SYT7: variants seen among roughly 807,000 people sequenced by gnomAD.
SYT7 encodes the protein synaptotagmin-7.
A neutral mutation model predicts 75.1 loss-of-function variants in SYT7; 29 were observed. The ratio of observed to expected loss-of-function variants is 0.39; its 90% CI spans 0.29 to 0.53. SYT7 has a LOEUF of 0.53. Among genes scored for constraint, SYT7 ranks in the 20% least tolerant of loss-of-function variants. The pLI is 0.77. For synonymous variants in SYT7, 376 were observed against 401.7 expected (o/e 0.94, Z 0.76); for missense variants, 693 against 953.2 (o/e 0.73, Z 3.59).
At chr11:61,530,720 C>T in intron 8 of SYT7, 1 of 887,778 alleles carries the variant, frequency 1.1e-6, no homozygotes, top group Non-Finnish European at 1.4e-6. Flanking sequence ...CTCCTGGCTG[C>T]CAAACAGTGT....
chr11:61,553,553 TC>T lies in SYT7; in HGVS notation c.136-2091del, dbSNP rs1183860606. On this transcript the variant is annotated intron_variant, in intron 2 of 12. Transcript: ENST00000539008. The surrounding 1 kb of genome is among the most constrained non-coding windows in gnomAD (Gnocchi z 5.2). ...TCTCCTTCCCCAACTCCGAGAACCT[TC>T]CCCTCTGGCTTCGACTATTGCTCTG... Among the ~76,000 whole-genome samples, 4 of 152,198 alleles carry T rather than the reference TC, an allele frequency of 2.6e-5. No individual in the cohort carries two copies. The highest frequency in any genetic ancestry group is 9.6e-5 in the African/African-American group (4 of 41,542).
chr11:61,533,279 G>A, intron 7 of SYT7, 155 bp from the exon 8 acceptor site: 2 of 985,446 alleles, frequency 2.0e-6, no homozygotes, highest in Non-Finnish European at 2.4e-6. Flanking sequence ...TGGACACCTG[G>A]TTTTCCCTGG....
At chr11:61,528,622 T>C (rs1322197955) in intron 8 of SYT7, among the ~76,000 whole-genome samples, 1 of 152,102 alleles carries the variant, frequency 6.6e-6, no homozygotes, top group Admixed American at 6.5e-5. Flanking sequence ...ACACAGCAGA[T>C]GAGGGAGGCT....
At position 61,538,353 on chromosome 11, in the gene SYT7, GAGAGAGA is replaced by G. The variant is rs1355461505; in HGVS notation, c.942-94_942-88del. ...GGGGGGAAGGAGAGAGAGGGAGAGA[GAGAGAGA>G]GAGAGAGAGAGAGAGAGAGAGAGAG... On this transcript the variant is annotated intron_variant, in intron 6 of 12. Coordinates refer to ENST00000539008, the MANE Select transcript of SYT7 (RefSeq NM_001365809.2). The G allele has an allele frequency of 1.1e-3, 724 of 665,940 alleles. 5 individuals carry two copies. The highest frequency in any genetic ancestry group is 8.5e-3 in the African/African-American group (436 of 51,460). The allele number at this position is 665,940 out of a possible 1,614,324, so 41.3% of individuals were successfully genotyped here.
chr11:61,546,656 C>A lies in SYT7; in HGVS notation c.348-401G>T. On this transcript the variant is annotated intron_variant, in intron 4 of 12. Transcript: ENST00000539008. The surrounding 1 kb of genome is among the most constrained non-coding windows in gnomAD (Gnocchi z 7.6). ...CGAAGGGTTAACGACGGAGGAAGAG[C>A]GGGCTGTCCAGGCCAGGAGGCCCCA... 1 of 464,504 alleles carries A rather than the reference C, an allele frequency of 2.2e-6. No homozygotes were observed. Among genetic ancestry groups the A allele is most frequent in the Non-Finnish European group, 4.3e-6 (1 of 232,906 alleles). The allele number at this position is 464,504 out of a possible 1,614,324, so 28.8% of individuals were successfully genotyped here. A position where few individuals can be genotyped will look rare whatever the true frequency, so the allele number is the denominator to read the frequency against.
intron 5 of SYT7, among the ~76,000 whole-genome samples, chr11:61,544,514 C>T (rs2063131133): frequency 6.6e-6 from 1 of 152,174 alleles, no homozygotes; most frequent in East Asian, 1.9e-4. Flanking sequence ...GGGGCCGGCC[C>T]AGGCCTGGCC....
intron 8 of SYT7, among the ~76,000 whole-genome samples, chr11:61,532,373 T>A (rs1020269937): frequency 6.6e-6 from 1 of 152,174 alleles, no homozygotes; most frequent in Non-Finnish European, 1.5e-5. Context: ...AACCTCTGTC[T>A]GGGCCAAACA....
chr11:61,515,972 T>G lies in SYT7; in HGVS notation c.*2655A>C, dbSNP rs2062138985. The G allele has an allele frequency of 6.6e-6, 1 of 152,522 alleles. No individual in the cohort carries two copies. The highest frequency in any genetic ancestry group is 2.4e-5 in the African/African-American group (1 of 41,374). The allele number at this position is 152,522 out of a possible 1,614,324, so 9.4% of individuals were successfully genotyped here. On this transcript the variant is annotated 3_prime_UTR_variant, in exon 13 of 13. Transcript: ENST00000539008. ...GAGTCCTCCTGCCTTGACCCCCAGG[T>G]CAGGTGATGGTGGCCTCACAACCTC...
At position 61,533,336 on chromosome 11, in the gene SYT7, G is replaced by A. The variant is rs564539349; in HGVS notation, c.1065-212C>T. On this transcript the variant is annotated intron_variant, in intron 7 of 12. Transcript: ENST00000539008. The stretch of plus-strand genomic sequence containing the variant: ...TCTCCTTGCAGCCTCTACCCCAGGC[G>A]ACTGTGGCTTAACTACTCCTATAGG... 44 of 985,394 alleles carry A rather than the reference G, an allele frequency of 4.5e-5. No individual in the cohort carries two copies. The African/African-American group carries it at 7.1e-4, about 16-fold the overall frequency. 61.0% of individuals were successfully genotyped at this position (985,394 alleles called of 1,614,324 possible). A position where few individuals can be genotyped will look rare whatever the true frequency, so the allele number is the denominator to read the frequency against.
rs186385942 is a variant in SYT7 at position 61,547,513 on chromosome 11, C to T, written c.216-205G>A. Among the ~76,000 whole-genome samples the T allele has an allele frequency of 3.0e-3, 459 of 152,230 alleles. 8 individuals carry two copies. The South Asian group carries it at 0.037, about 12-fold the overall frequency. ...ACACGCACGCATACACGCACACGCACACATGTGCAAACATACCAATGCACA... is the reference window on the plus strand; with the variant it reads ...ACACGCACGCATACACGCACACGCATACATGTGCAAACATACCAATGCACA... On this transcript the variant is annotated intron_variant, in intron 3 of 12. Transcript: ENST00000539008.
chr11:61,537,315 C>T (rs1474601879), intron 7 of SYT7, among the ~76,000 whole-genome samples: 1 of 151,334 alleles, frequency 6.6e-6, no homozygotes, highest in Non-Finnish European at 1.5e-5. Context: ...TCCCACCCTA[C>T]CCCTTGCCCA....
At chr11:61,529,845 G>C (rs892650240) in intron 8 of SYT7, among the ~76,000 whole-genome samples, 1 of 152,180 alleles carries the variant, frequency 6.6e-6, no homozygotes, top group African/African-American at 2.4e-5. Flanking sequence ...ACGTTGGTCA[G>C]GCGAGTCTCT....
chr11:61,547,037 G>A, intron 4 of SYT7, 140 bp downstream of exon 4: 1 of 1,109,764 alleles, frequency 9.0e-7, no homozygotes, highest in South Asian at 1.6e-5. Context: ...CCCATGGGGT[G>A]GATGGGTGGG....
Position 61,524,665 on chromosome 11 carries a change from C to T in SYT7, c.1472-133G>A. ...TGCCACCCCACCGGGCCAGCAGGCACACCGGATTGCAATTAGACCTTACTG... is the reference window on the plus strand; with the variant it reads ...TGCCACCCCACCGGGCCAGCAGGCATACCGGATTGCAATTAGACCTTACTG... On this transcript the variant is annotated intron_variant, in intron 9 of 12. Transcript: ENST00000539008. The surrounding 1 kb of genome is among the most constrained non-coding windows in gnomAD (Gnocchi z 4.1). The T allele has an allele frequency of 1.3e-6, 1 of 784,942 alleles. No homozygotes were observed. The highest frequency in any genetic ancestry group is 2.7e-5 in the East Asian group (1 of 36,884). 48.6% of individuals were successfully genotyped at this position (784,942 alleles called of 1,614,324 possible).
intron 7 of SYT7, among the ~76,000 whole-genome samples, chr11:61,536,874 C>T (rs1398238930): frequency 6.6e-6 from 1 of 152,224 alleles, no homozygotes; most frequent in Non-Finnish European, 1.5e-5. Flanking sequence ...TCTCAAGAGC[C>T]TCAGGATGGC....
chr11:61,557,376 G>A (rs2063526347), intron 1 of SYT7, among the ~76,000 whole-genome samples: 1 of 152,192 alleles, frequency 6.6e-6, no homozygotes, highest in Non-Finnish European at 1.5e-5. Flanking sequence ...TCTGGTTCCT[G>A]CGGTTTTAGC....
At chr11:61,575,694 C>T (rs1468601746) in intron 1 of SYT7, among the ~76,000 whole-genome samples, 1 of 152,168 alleles carries the variant, frequency 6.6e-6, no homozygotes, top group Admixed American at 6.5e-5. Flanking sequence ...GGTACAGGGC[C>T]GGGGGAGGGG....
At chr11:61,567,108 A>C (rs1590940923) in intron 1 of SYT7, among the ~76,000 whole-genome samples, 1 of 152,162 alleles carries the variant, frequency 6.6e-6, no homozygotes, top group East Asian at 1.9e-4. Context: ...GTTTCAGGAC[A>C]GAGATAACTA....
chr11:61,553,043 G>A lies in SYT7; in HGVS notation c.136-1580C>T, dbSNP rs1159782870. On this transcript the variant is annotated intron_variant, in intron 2 of 12. Coordinates refer to ENST00000539008, the MANE Select transcript of SYT7 (RefSeq NM_001365809.2). The surrounding 1 kb of genome is among the most constrained non-coding windows in gnomAD (Gnocchi z 5.2). The stretch of plus-strand genomic sequence containing the variant: ...ATCACCTGGAAGTGTCCCTTCTATG[G>A]CCCCGCCCACCCTGGAGTCTGGGCC... Among the ~76,000 whole-genome samples, 1 of 152,096 alleles carries A rather than the reference G, an allele frequency of 6.6e-6. No individual in the cohort carries two copies. The highest frequency in any genetic ancestry group is 2.4e-5 in the African/African-American group (1 of 41,396).
Sources: allele counts gnomAD v4.1 joint callset (sites outside exome capture counted in the v4.1 genomes callset), GRCh38; gene constraint gnomAD v4.1.1; non-coding constraint Gnocchi (gnomAD v3.1); transcripts MANE v1.5; gene names NCBI Gene and HGNC (gene_info 2026-07-23, HGNC 2026-07-21).